The following TOX4 variants were observed in gnomAD, a reference collection of about 807,000 sequenced individuals.
TOX4 encodes the protein TOX high mobility group box family member 4, also known as epidermal Langerhans cell protein LCP1.
TOX4 carries 12 observed loss-of-function variants against 61.0 expected under a neutral mutation model. The ratio of observed to expected loss-of-function variants is 0.20; its 90% CI spans 0.13 to 0.32. The LOEUF is 0.32. TOX4 is among the 10% of genes least tolerant of loss of function. The pLI is 1.00. For synonymous variants in TOX4, 268 were observed against 274.8 expected (o/e 0.98, Z 0.24); for missense variants, 499 against 753.3 (o/e 0.66, Z 3.95).
intron 2 of TOX4, among the ~76,000 whole-genome samples, chr14:21,480,108 T>G (rs975957769): frequency 2.0e-5 from 3 of 152,188 alleles, no homozygotes; most frequent in Non-Finnish European, 4.4e-5. Flanking sequence ...ACTAGTATTG[T>G]AGGTGTGAGC....
intron 3 of TOX4, chr14:21,488,374 A>T: frequency 1.8e-6 from 1 of 545,896 alleles, no homozygotes; most frequent in Non-Finnish European, 3.2e-6. Flanking sequence ...GATTATTTTT[A>T]GTTCTTCTTT....
chr14:21,493,549 C>G (rs1891339841), intron 7 of TOX4, among the ~76,000 whole-genome samples: 7 of 151,772 alleles, frequency 4.6e-5, no homozygotes, highest in Admixed American at 4.6e-4. Flanking sequence ...TCAAGAGATT[C>G]TCCTGCCTCA....
chr14:21,479,927 A>G (rs559451123), intron 2 of TOX4, among the ~76,000 whole-genome samples: 1 of 152,300 alleles, frequency 6.6e-6, no homozygotes, highest in Non-Finnish European at 1.5e-5. Context: ...ACTGTTCTTA[A>G]TTCTCTACCC....
At chr14:21,477,889 G>T (rs1340517528) in intron 2 of TOX4, among the ~76,000 whole-genome samples, 1 of 152,194 alleles carries the variant, frequency 6.6e-6, no homozygotes, top group Non-Finnish European at 1.5e-5. Flanking sequence ...GCAGTGGAAA[G>T]AAAATGTTTC....
chr14:21,485,671 C>T (rs1891180938), intron 2 of TOX4, among the ~76,000 whole-genome samples: 1 of 101,942 alleles, frequency 9.8e-6, no homozygotes, highest in South Asian at 3.3e-4. Context: ...GTCAAGAGAT[C>T]GAGGCCAACA....
intron 5 of TOX4, among the ~76,000 whole-genome samples, chr14:21,491,374 T>A (rs1594430038): frequency 1.3e-5 from 2 of 152,034 alleles, no homozygotes; most frequent in East Asian, 3.9e-4. Flanking sequence ...TTATTTATTT[T>A]TTTGAGACAG....
Position 21,496,656 on chromosome 14 carries a change from C to A in TOX4, c.*50C>A. On this transcript the variant is annotated 3_prime_UTR_variant, in exon 9 of 9. Transcript: ENST00000448790. Reference sequence around the variant, plus strand: ...AAGAGTTATCTGCTGGGAAAGTGTCCAAGAGCCTGTTTTTGAAACACAAGC... The same window carrying A: ...AAGAGTTATCTGCTGGGAAAGTGTCAAAGAGCCTGTTTTTGAAACACAAGC... The A allele has an allele frequency of 6.5e-7, 1 of 1,544,668 alleles. No homozygotes were observed. The highest frequency in any genetic ancestry group is 1.1e-5 in the South Asian group (1 of 89,044).
chr14:21,493,950 C>G (rs2139631187), intron 7 of TOX4, among the ~76,000 whole-genome samples: 1 of 152,014 alleles, frequency 6.6e-6, no homozygotes, highest in South Asian at 2.1e-4. Context: ...AGAGTTTCAC[C>G]ATGTTCATTG....
At chr14:21,479,383 G>C (rs1891069397) in intron 2 of TOX4, among the ~76,000 whole-genome samples, 1 of 151,642 alleles carries the variant, frequency 6.6e-6, no homozygotes, top group Admixed American at 6.6e-5. Context: ...GGGTGCGGTG[G>C]CTCATGCCTG....
At chr14:21,478,806 TTTTC>T (rs947896972) in intron 2 of TOX4, among the ~76,000 whole-genome samples, 4 of 152,140 alleles carry the variant, frequency 2.6e-5, no homozygotes, top group Non-Finnish European at 4.4e-5. Flanking sequence ...TTAACTTTTT[TTTTC>T]TTTCTTTTTT....
intron 5 of TOX4, chr14:21,492,020 T>TA: frequency 8.2e-6 from 2 of 242,582 alleles, no homozygotes; most frequent in Non-Finnish European, 1.6e-5. Context: ...CAAAAAAAAT[T>TA]TAAAAAAAAT....
intron 3 of TOX4, 85 bp from the exon 4 acceptor site, chr14:21,488,505 G>A (rs944371893): frequency 6.0e-6 from 8 of 1,340,092 alleles, no homozygotes; most frequent in Admixed American, 2.2e-5. Flanking sequence ...GGGTAGGCAG[G>A]GAATTTATAA....
chr14:21,488,489 C>T, intron 3 of TOX4, 101 bp from the exon 4 acceptor site: 2 of 1,129,636 alleles, frequency 1.8e-6, no homozygotes, highest in Non-Finnish European at 1.3e-6. Context: ...TTAAATGATA[C>T]AATTTGGGTA....
In TOX4 at chr14:21,489,192, C is replaced by T; in HGVS notation, c.599C>T (p.Thr200Ile). Residue 200 changes from threonine (T) to isoleucine (I), a missense_variant, in exon 5 of 9, where the codon ACA (threonine) becomes ATA (isoleucine). Around this residue, in one of 7 missense-constraint regions of TOX4, gnomAD observed 61 missense variants for 76.1 expected, o/e 0.80. Transcript: ENST00000448790. ...DFRRQLPSQK[T>I]VVVEAGKKQK... ...CTACAGCAACTTCCCAGCCAGAAGA[C>T]AGTCGTGGTGGAAGCAGGGAAAAAG... The T allele has an allele frequency of 6.2e-7, 1 of 1,613,842 alleles. No individual in the cohort carries two copies. Among genetic ancestry groups the T allele is most frequent in the Non-Finnish European group, 8.5e-7 (1 of 1,179,988 alleles).
At chr14:21,488,474 G>T in intron 3 of TOX4, 116 bp from the exon 4 acceptor site, 6 of 978,456 alleles carry the variant, frequency 6.1e-6, no homozygotes, top group South Asian at 3.9e-5. Flanking sequence ...TTTATGTTTT[G>T]TATTTTAAAT....
At chr14:21,478,484 G>C (rs1348521908) in intron 2 of TOX4, among the ~76,000 whole-genome samples, 1 of 149,368 alleles carries the variant, frequency 6.7e-6, no homozygotes, top group East Asian at 2.0e-4. Context: ...TAGAAGTAAA[G>C]GTTATGATGA....
rs1891424004 is a variant in TOX4 at position 21,497,331 on chromosome 14, A to AC, written c.*726dup. On this transcript the variant is annotated 3_prime_UTR_variant, in exon 9 of 9. Coordinates refer to ENST00000448790, the MANE Select transcript of TOX4 (RefSeq NM_014828.4). ...TTAGACATAATCTAAAGAAAAACAG[A>AC]CTAGAGAAGCCACCTGGTTGTAACA... 6.6e-6 allele frequency: 1 copy of AC among 152,154 alleles called. No homozygotes were observed. The highest frequency in any genetic ancestry group is 6.6e-5 in the Admixed American group (1 of 15,260). The allele number at this position is 152,154 out of a possible 1,614,324, so 9.4% of individuals were successfully genotyped here.
Position 21,493,161 on chromosome 14 carries a change from T to G in TOX4, c.1545T>G (p.Ser515Arg), listed in dbSNP as rs759874258. ...TAGTCCCACCAACTGTGGAAAGTAG[T>G]CCTGAGCGGCCTATGAACAACAGCC... ...TTLVPPTVES[S>R]PERPMNNSPE... Residue 515 changes from serine (S) to arginine (R), a missense_variant, in exon 7 of 9, where the codon AGT becomes AGG. Around this residue, in one of 7 missense-constraint regions of TOX4, gnomAD observed 296 missense variants for 404.7 expected, o/e 0.73. Coordinates refer to ENST00000448790, the MANE Select transcript of TOX4 (RefSeq NM_014828.4). 4 of 1,614,058 alleles carry G rather than the reference T, an allele frequency of 2.5e-6. No homozygotes were observed. The highest frequency in any genetic ancestry group is 3.4e-6 in the Non-Finnish European group (4 of 1,180,030).
chr14:21,496,361 A>C, intron 8 of TOX4, 185 bp from the exon 9 acceptor site: 1 of 512,806 alleles, frequency 2.0e-6, no homozygotes, highest in East Asian at 3.6e-5. Flanking sequence ...CCCTGTCCCC[A>C]CTAAAAATAC....
Sources: gnomAD v4.1 joint callset for allele counts (sites outside exome capture counted in the v4.1 genomes callset) on GRCh38, gnomAD v4.1.1 for gene constraint, gnomAD v4.1.1 regional missense constraint, MANE v1.5 for transcripts, NCBI Gene and HGNC (gene_info 2026-07-23, HGNC 2026-07-21) for gene names.